The following RBFOX3 variants were observed in gnomAD, a reference collection of about 807,000 sequenced individuals.
The protein encoded by RBFOX3 is RNA binding fox-1 homolog 3.
A neutral mutation model predicts 48.7 loss-of-function variants in RBFOX3; 17 were observed. That is an observed-to-expected ratio of 0.35 (90% CI 0.24 to 0.52). The LOEUF is 0.52. Ranked by LOEUF, RBFOX3 falls within the 20% of genes least tolerant of loss-of-function variation. The probability of loss-of-function intolerance (pLI) is 0.94; values close to 1 mark genes in which losing one functional copy is unlikely to be tolerated. For missense variants in RBFOX3, 382 were observed against 497.5 expected, an observed-to-expected ratio of 0.77 and a Z score of 2.21; for synonymous variants, 212 against 209.5, an observed-to-expected ratio of 1.01 and a Z score of -0.10.
rs9674711 is a variant in RBFOX3 at position 79,477,492 on chromosome 17, T to C, written c.-175+4962A>G. Among the ~76,000 whole-genome samples the C allele has an allele frequency of 0.013, 1,858 of 141,640 alleles. 35 individuals carry two copies. The highest frequency in any genetic ancestry group is 0.036 in the African/African-American group (1,376 of 37,956). The allele number at this position is 141,640 out of a possible 152,430, so 92.9% of individuals were successfully genotyped here. A position where few individuals can be genotyped will look rare whatever the true frequency, so the allele number is the denominator to read the frequency against. Reference sequence around the variant, plus strand: ...AATGGCGTGAACCCGGGAGGCGGAGTTTGCAGTGAGCTGAGATCGCCCCAT... The same window carrying C: ...AATGGCGTGAACCCGGGAGGCGGAGCTTGCAGTGAGCTGAGATCGCCCCAT... On this transcript the variant is annotated intron_variant, in intron 2 of 14. Transcript: ENST00000693108. The surrounding 1 kb of genome is among the most constrained non-coding windows in gnomAD (Gnocchi z 4.8).
chr17:79,405,635 C>T (rs1030309704), intron 2 of RBFOX3, among the ~76,000 whole-genome samples: 2 of 152,120 alleles, frequency 1.3e-5, no homozygotes, highest in African/African-American at 2.4e-5. Context: ...GCAGGAGAAT[C>T]GCTTGAACCC....
intron 1 of RBFOX3, among the ~76,000 whole-genome samples, chr17:79,564,931 T>C (rs1272304783): frequency 1.6e-4 from 25 of 151,768 alleles, no homozygotes; most frequent in African/African-American, 6.0e-4. Flanking sequence ...GTCCCAGCTA[T>C]TCAGGGAGCT....
At chr17:79,620,573 GCACA>G in the RBFOX3 span, among the ~76,000 whole-genome samples, 113 of 85,032 alleles carry the variant, frequency 1.3e-3, no homozygotes, top group Non-Finnish European at 1.9e-3. Flanking sequence ...ACCCGCGCGT[GCACA>G]CACGCACGCA....
At chr17:79,483,939 G>C (rs2079146512) in intron 1 of RBFOX3, among the ~76,000 whole-genome samples, 3 of 152,140 alleles carry the variant, frequency 2.0e-5, no homozygotes, top group Admixed American at 2.0e-4. Context: ...GGGCTGGCAG[G>C]GGGTAGACCC....
chr17:79,593,463 C>G (rs1223421901), intron 1 of RBFOX3, among the ~76,000 whole-genome samples: 1 of 152,262 alleles, frequency 6.6e-6, no homozygotes, highest in African/African-American at 2.4e-5. Flanking sequence ...ATTACAGAAC[C>G]AGGTCACATT....
At chr17:79,168,150 G>C (rs771022147) in intron 4 of RBFOX3, among the ~76,000 whole-genome samples, 1 of 152,196 alleles carries the variant, frequency 6.6e-6, no homozygotes, top group African/African-American at 2.4e-5. Flanking sequence ...CGTTCGGGAG[G>C]TCCATCCCTG....
At chr17:79,094,215 C>T in intron 14 of RBFOX3, 1 of 436,348 alleles carries the variant, frequency 2.3e-6, no homozygotes, top group Non-Finnish European at 4.0e-6. Flanking sequence ...GGGTGCTTTC[C>T]AGAGGACCAG....
At chr17:79,560,333 A>G (rs1383770999) in intron 1 of RBFOX3, among the ~76,000 whole-genome samples, 3 of 152,170 alleles carry the variant, frequency 2.0e-5, no homozygotes, top group Non-Finnish European at 4.4e-5. Context: ...TGCAGAGCAG[A>G]GAACCCATGC....
At chr17:79,485,264 T>C (rs2079395403) in intron 1 of RBFOX3, among the ~76,000 whole-genome samples, 1 of 152,034 alleles carries the variant, frequency 6.6e-6, no homozygotes, top group South Asian at 2.1e-4. Flanking sequence ...CAGGAAGGAA[T>C]GGAAACAGAG....
In RBFOX3 at chr17:79,372,435, C is replaced by T. The variant is rs181753477; in HGVS notation, c.-174-64611G>A. Reference sequence around the variant, plus strand: ...CCTATGGCTCTCCTCAGTCTTATGACCCCCCAGTTTTATGTCTCCCCCCTG... The same window carrying T: ...CCTATGGCTCTCCTCAGTCTTATGATCCCCCAGTTTTATGTCTCCCCCCTG... On this transcript the variant is annotated intron_variant, in intron 2 of 14. Transcript: ENST00000693108. 3.0e-3 allele frequency among the ~76,000 whole-genome samples: 444 copies of T among 148,536 alleles called. 3 individuals are homozygous for T. Among genetic ancestry groups the T allele is most frequent in the Middle Eastern group, 0.014 (4 of 288 alleles).
chr17:79,529,696 A>C (rs993375447), intron 1 of RBFOX3, among the ~76,000 whole-genome samples: 1 of 152,224 alleles, frequency 6.6e-6, no homozygotes, highest in Non-Finnish European at 1.5e-5. Context: ...CGCTGAGATG[A>C]TGCTGAGGTC....
chr17:79,294,177 C>G (rs377055743), intron 3 of RBFOX3, among the ~76,000 whole-genome samples: 1 of 152,222 alleles, frequency 6.6e-6, no homozygotes, highest in Non-Finnish European at 1.5e-5. Context: ...CGCTGCTCTT[C>G]CCTAACAGTT....
chr17:79,185,562 C>T (rs566264993), intron 4 of RBFOX3, among the ~76,000 whole-genome samples: 2 of 152,200 alleles, frequency 1.3e-5, no homozygotes, highest in East Asian at 3.9e-4. Flanking sequence ...GGCACCTGTC[C>T]GTCACCACTG....
At chr17:79,275,228 A>C (rs2068567133) in intron 3 of RBFOX3, among the ~76,000 whole-genome samples, 1 of 145,748 alleles carries the variant, frequency 6.9e-6, no homozygotes, top group Non-Finnish European at 1.5e-5. Flanking sequence ...CCTTCTCACT[A>C]AAATTTCCTC....
At chr17:79,464,274 G>C (rs1385262900) in intron 2 of RBFOX3, among the ~76,000 whole-genome samples, 1 of 152,228 alleles carries the variant, frequency 6.6e-6, no homozygotes, top group Non-Finnish European at 1.5e-5. Context: ...TTCTTCCAAC[G>C]GACAGAGAAA....
intron 2 of RBFOX3, among the ~76,000 whole-genome samples, chr17:79,409,498 A>G (rs1175550021): frequency 6.6e-6 from 1 of 152,206 alleles, no homozygotes; most frequent in Admixed American, 6.5e-5. Flanking sequence ...ATCCTCACCA[A>G]CACCTGCTAT....
chr17:79,458,658 G>A (rs2074946453), intron 2 of RBFOX3, among the ~76,000 whole-genome samples: 1 of 152,092 alleles, frequency 6.6e-6, no homozygotes, highest in Non-Finnish European at 1.5e-5. Context: ...CTTCTGCAGT[G>A]CTAGGGCAGC....
Position 79,480,804 on chromosome 17 carries a change from G to A in RBFOX3, c.-175+1650C>T, listed in dbSNP as rs1253624471. On this transcript the variant is annotated intron_variant, in intron 2 of 14. Transcript: ENST00000693108. This position sits in a 1 kb window ranked among gnomAD's most constrained non-coding sequence, Gnocchi z 4.8. ...GCAACTGCAGCCCCCACCATTCCCC[G>A]TGGTCTTAATGCACTGCATTTATCT... 8.5e-5 allele frequency among the ~76,000 whole-genome samples: 13 copies of A among 152,228 alleles called. No homozygotes were observed. The highest frequency in any genetic ancestry group is 4.1e-4 in the South Asian group (2 of 4,824).
rs2077917502 is a variant in RBFOX3 at position 79,477,110 on chromosome 17, G to A, written c.-175+5344C>T. Among the ~76,000 whole-genome samples the A allele has an allele frequency of 6.6e-6, 1 of 151,524 alleles. No homozygotes were observed. Among genetic ancestry groups the A allele is most frequent in the African/African-American group, 2.4e-5 (1 of 41,224 alleles). On this transcript the variant is annotated intron_variant, in intron 2 of 14. Transcript: ENST00000693108. This position sits in a 1 kb window ranked among gnomAD's most constrained non-coding sequence, Gnocchi z 4.8. ...TAGCCAGGCGTGGTGGTGGGCGCCT[G>A]TAATCCCAGTTACTCGGGAAGCTGA... is the stretch of plus-strand genomic sequence containing the variant.
Sources: gnomAD v4.1 joint callset for allele counts (sites outside exome capture counted in the v4.1 genomes callset) on GRCh38, gnomAD v4.1.1 for gene constraint, Gnocchi (gnomAD v3.1) non-coding constraint, MANE v1.5 for transcripts, NCBI Gene and HGNC (gene_info 2026-07-23, HGNC 2026-07-21) for gene names.